Variants in ARHGAP24 observed in about 807,000 individuals in gnomAD.
ARHGAP24 encodes rho GTPase-activating protein 24.
A neutral mutation model predicts 76.4 loss-of-function variants in ARHGAP24; 50 were observed. The ratio of observed to expected loss-of-function variants is 0.65; its 90% confidence interval spans 0.52 to 0.83. The LOEUF is 0.83. Among genes scored for constraint, ARHGAP24 ranks in the 40% least tolerant of loss-of-function variants. The pLI, the probability that ARHGAP24 is intolerant of heterozygous loss-of-function variation, is 0.00. For missense variants in ARHGAP24, 930 were observed against 914.2 expected (o/e 1.02, Z -0.22); for synonymous variants, 345 against 323.3 (o/e 1.07, Z -0.72).
At chr4:85,975,622 C>T (rs1380535939) in intron 7 of ARHGAP24, 1 of 152,180 alleles carries the variant, frequency 6.6e-6, no homozygotes, top group African/African-American at 2.4e-5. Flanking sequence ...CATATATGTG[C>T]TCCTGTTTAA....
chr4:85,665,760 C>G (rs570885227), intron 2 of ARHGAP24, among the ~76,000 whole-genome samples: 28 of 152,274 alleles, frequency 1.8e-4, no homozygotes, highest in East Asian at 1.7e-3. Flanking sequence ...GATTTTATTT[C>G]TCCTTCACTT....
intron 3 of ARHGAP24, among the ~76,000 whole-genome samples, chr4:85,835,652 G>A (rs1023271579): frequency 1.3e-5 from 2 of 151,928 alleles, no homozygotes; most frequent in Non-Finnish European, 2.9e-5. Flanking sequence ...GAAAGGATGT[G>A]AAGCGATAGA....
At chr4:85,884,773 A>G (rs1733466856) in intron 3 of ARHGAP24, among the ~76,000 whole-genome samples, 1 of 152,208 alleles carries the variant, frequency 6.6e-6, no homozygotes, top group African/African-American at 2.4e-5. Flanking sequence ...CAGCTTTGAT[A>G]AAGAAATCTT....
intron 1 of ARHGAP24, among the ~76,000 whole-genome samples, chr4:85,553,522 T>A (rs111927805): frequency 2.8e-4 from 42 of 152,256 alleles, no homozygotes; most frequent in African/African-American, 8.4e-4. Flanking sequence ...TACAATCCTT[T>A]AGCTAGATAG....
At chr4:85,705,550 G>T (rs79506070) in intron 2 of ARHGAP24, among the ~76,000 whole-genome samples, 2,233 of 152,266 alleles carry the variant, frequency 0.015, 47 homozygotes, top group African/African-American at 0.051. Context: ...TGTAGATAGG[G>T]AAGGTTATAG....
intron 2 of ARHGAP24, among the ~76,000 whole-genome samples, chr4:85,608,930 T>G (rs187645267): frequency 3.3e-5 from 5 of 152,314 alleles, no homozygotes; most frequent in Middle Eastern, 3.4e-3. Flanking sequence ...GTTAGAGAGA[T>G]AGCACAGGCT....
intron 3 of ARHGAP24, among the ~76,000 whole-genome samples, chr4:85,836,942 A>G (rs1730323854): frequency 6.6e-6 from 1 of 152,200 alleles, no homozygotes; most frequent in South Asian, 2.1e-4. Context: ...GTTCCAACTC[A>G]CAGAGTAGAA....
intron 3 of ARHGAP24, among the ~76,000 whole-genome samples, chr4:85,843,035 A>C (rs1417567014): frequency 6.6e-6 from 1 of 152,226 alleles, no homozygotes; most frequent in Admixed American, 6.5e-5. Flanking sequence ...GATACTTTCC[A>C]ATGACCAGTT....
intron 4 of ARHGAP24, among the ~76,000 whole-genome samples, chr4:85,934,824 T>G (rs1023101761): frequency 4.6e-5 from 7 of 152,228 alleles, no homozygotes; most frequent in Non-Finnish European, 7.3e-5. Context: ...CGACAGCTCT[T>G]ACATTTTACA....
intron 1 of ARHGAP24, among the ~76,000 whole-genome samples, chr4:85,535,946 C>G (rs1478567170): frequency 6.6e-6 from 1 of 152,044 alleles, no homozygotes; most frequent in East Asian, 1.9e-4. Context: ...TTTAGTATCC[C>G]TAGTTGTTGA....
rs192139432 is a variant in ARHGAP24, at chr4:85,883,922, T to G, written c.269-39726T>G. On this transcript the variant is annotated intron_variant, in intron 3 of 9. Coordinates refer to ENST00000395184, the MANE Select transcript of ARHGAP24 (RefSeq NM_001025616.3). ...AAGGAAAAGCACACTGGTCCTCAAT[T>G]TCTTTATCTATAAAGTAGAGATTTA... 4.1e-3 allele frequency among the ~76,000 whole-genome samples: 617 copies of G among 152,290 alleles called. 6 individuals carry two copies. The highest frequency in any genetic ancestry group is 0.014 in the African/African-American group (573 of 41,576).
At chr4:85,521,282 C>T (rs1226548691) in intron 1 of ARHGAP24, among the ~76,000 whole-genome samples, 4 of 152,114 alleles carry the variant, frequency 2.6e-5, no homozygotes, top group African/African-American at 9.7e-5. Flanking sequence ...CCCATCCCAA[C>T]ACTAACCTTG....
At position 85,659,275 on chromosome 4, in the gene ARHGAP24, C is replaced by T. The variant is rs187303528; in HGVS notation, c.181-62610C>T. Reference sequence around the variant, plus strand: ...GATGCTACCAGTAACAGAATGAGGGCGCTGCTAGTGCAGTATAGTTTGCAA... The same window carrying T: ...GATGCTACCAGTAACAGAATGAGGGTGCTGCTAGTGCAGTATAGTTTGCAA... On this transcript the variant is annotated intron_variant, in intron 2 of 9. Transcript: ENST00000395184. Among the ~76,000 whole-genome samples, 19 of 152,252 alleles carry T rather than the reference C, an allele frequency of 1.2e-4. No homozygotes were observed. In the East Asian group the frequency reaches 3.3e-3, roughly 26 times the overall value.
chr4:85,723,925 T>C (rs1374530194), intron 3 of ARHGAP24, among the ~76,000 whole-genome samples: 3 of 152,236 alleles, frequency 2.0e-5, no homozygotes, highest in Non-Finnish European at 4.4e-5. Flanking sequence ...ATTGGGGTTA[T>C]TTAGGGATAA....
intron 1 of ARHGAP24, among the ~76,000 whole-genome samples, chr4:85,516,705 G>A (rs1367025513): frequency 7.1e-6 from 1 of 140,714 alleles, no homozygotes; most frequent in African/African-American, 2.6e-5. Context: ...TCTTATGTTT[G>A]GGATACATGT....
intron 1 of ARHGAP24, among the ~76,000 whole-genome samples, chr4:85,554,871 G>A (rs1160826200): frequency 7.0e-4 from 105 of 150,960 alleles, no homozygotes; most frequent in African/African-American, 2.5e-3. Flanking sequence ...TAGTAGAGAT[G>A]GGGTTTCACT....
chr4:85,689,181 A>G (rs1358040075), intron 2 of ARHGAP24, among the ~76,000 whole-genome samples: 1 of 152,144 alleles, frequency 6.6e-6, no homozygotes, highest in African/African-American at 2.4e-5. Context: ...ATCCATCAGC[A>G]TGGTTTATTC....
chr4:85,697,786 G>A (rs1351861800), intron 2 of ARHGAP24, among the ~76,000 whole-genome samples: 1 of 152,192 alleles, frequency 6.6e-6, no homozygotes, highest in Non-Finnish European at 1.5e-5. Flanking sequence ...AAGTGGAAAC[G>A]GATGTTTCTG....
intron 3 of ARHGAP24, among the ~76,000 whole-genome samples, chr4:85,904,276 A>G (rs1188313845): frequency 6.6e-6 from 1 of 152,198 alleles, no homozygotes; most frequent in African/African-American, 2.4e-5. Context: ...CAGGCAGTTC[A>G]CATGGTGAAA....
Sources: gnomAD v4.1 joint callset for allele counts (sites outside exome capture counted in the v4.1 genomes callset) on GRCh38, gnomAD v4.1.1 for gene constraint, MANE v1.5 for transcripts, NCBI Gene and HGNC (gene_info 2026-07-23, HGNC 2026-07-21) for gene names.